Variants in ZBBX observed in about 807,000 individuals in gnomAD.
ZBBX encodes the protein zinc finger B-box domain containing, also known as zinc finger B-box domain-containing protein 1.
Under a neutral mutation model 108.5 loss-of-function variants are expected in ZBBX, and 101 were observed. The ratio of observed to expected loss-of-function variants is 0.93; its 90% CI spans 0.79 to 1.10. The LOEUF (loss-of-function observed/expected upper bound fraction) is 1.10, where lower values mean the gene tolerates loss of function less well. Ranked by LOEUF, ZBBX falls within the 50% of genes least tolerant of loss-of-function variation. The pLI, the probability that ZBBX is intolerant of heterozygous loss-of-function variation, is 0.00. For synonymous variants in ZBBX, 356 were observed against 323.4 expected, an observed-to-expected ratio of 1.10 and a Z score of -1.08; for missense variants, 1,009 against 941.4, an observed-to-expected ratio of 1.07 and a Z score of -0.94.
chr3:167,292,887 A>G (rs1248097489), intron 18 of ZBBX, among the ~76,000 whole-genome samples: 1 of 152,212 alleles, frequency 6.6e-6, no homozygotes, highest in Admixed American at 6.5e-5. Flanking sequence ...GATCCCACAG[A>G]CATACAAACT....
intron 20 of ZBBX, among the ~76,000 whole-genome samples, chr3:167,270,366 A>G (rs1053739274): frequency 2.6e-5 from 4 of 152,202 alleles, no homozygotes; most frequent in African/African-American, 9.6e-5. Flanking sequence ...CTTACACAGT[A>G]AGCTGCTATA....
At chr3:167,288,339 T>C (rs571001344) in intron 19 of ZBBX, among the ~76,000 whole-genome samples, 1 of 152,276 alleles carries the variant, frequency 6.6e-6, no homozygotes, top group Admixed American at 6.5e-5. Context: ...ATCTTATAAT[T>C]ACTTTGTTTA....
chr3:167,359,879 A>G lies in ZBBX; in HGVS notation c.423T>C (p.Ala141=). ...TATATAACGTACATACCAGTAGAGC[A>G]GCTTTGTTCTCACACTGTCCACATA... ...GKVCGQCENK[A]ALLVCLECGE... Residue 141 remains alanine (A), a synonymous_variant, in exon 8 of 22, where the codon GCT becomes GCC. Coordinates refer to ENST00000675490, the MANE Select transcript of ZBBX (RefSeq NM_001199201.2). The G allele has an allele frequency of 6.6e-7, 1 of 1,506,290 alleles. No homozygotes were observed. The highest frequency in any genetic ancestry group is 9.0e-7 in the Non-Finnish European group (1 of 1,105,070). 93.3% of individuals were successfully genotyped at this position (1,506,290 alleles called of 1,614,324 possible).
chr3:167,377,514 C>T (rs1159266730), intron 2 of ZBBX, among the ~76,000 whole-genome samples: 1 of 152,106 alleles, frequency 6.6e-6, no homozygotes, highest in Admixed American at 6.5e-5. Context: ...TAGCAAACAA[C>T]TTTGGGTGAA....
At chr3:167,299,325 A>C (rs1576929860) in intron 17 of ZBBX, among the ~76,000 whole-genome samples, 1 of 152,210 alleles carries the variant, frequency 6.6e-6, no homozygotes, top group African/African-American at 2.4e-5. Flanking sequence ...ATCATATTAA[A>C]GAACAAAGCT....
chr3:167,232,997 C>T, the ZBBX span, among the ~76,000 whole-genome samples: 19 of 151,770 alleles, frequency 1.3e-4, 1 homozygote, highest in East Asian at 3.5e-3. Context: ...AATCTTTTTC[C>T]TTAATGTCCC....
chr3:167,282,401 T>C lies in ZBBX; in HGVS notation c.2091A>G (p.Ser697=). ...ATGATGATTGAGCAGCTGCACTTCT[T>C]GATCGAGGATGAGAGGATGAAAGGC... ...SSCLSSSHPR[S]RSAAAQSSSR... is the part of the protein sequence containing the mutation. The change falls in exon 20 of 22, where the codon TCA becomes TCG. Residue 697 remains serine, a synonymous_variant. Transcript: ENST00000675490. 1 of 1,614,166 alleles carries C rather than the reference T, an allele frequency of 6.2e-7. No individual in the cohort carries two copies. The highest frequency in any genetic ancestry group is 2.2e-5 in the East Asian group (1 of 44,878).
At chr3:167,188,468 A>G in the ZBBX span, among the ~76,000 whole-genome samples, 5 of 152,150 alleles carry the variant, frequency 3.3e-5, no homozygotes, top group Non-Finnish European at 7.4e-5. Context: ...CTGATAGGCT[A>G]TGATGTCTAA....
At chr3:167,314,449 C>T (rs367564098) in intron 15 of ZBBX, among the ~76,000 whole-genome samples, 2 of 152,158 alleles carry the variant, frequency 1.3e-5, no homozygotes, top group East Asian at 3.9e-4. Flanking sequence ...TCATTAAAAT[C>T]TGATGAAATC....
intron 5 of ZBBX, chr3:167,366,934 A>C (rs1391952685): frequency 2.2e-6 from 1 of 456,030 alleles, no homozygotes; most frequent in Non-Finnish European, 4.4e-6. Flanking sequence ...CCTGGATGAC[A>C]TACAACATGA....
chr3:167,405,992 G>A (rs1308169364), intron 1 of ZBBX, among the ~76,000 whole-genome samples: 1 of 142,466 alleles, frequency 7.0e-6, no homozygotes, highest in Non-Finnish European at 1.5e-5. Flanking sequence ...CTTGAACCCG[G>A]GGGGCAGAGG....
At chr3:167,251,925 A>AACACACACAC (rs3221849) in intron 20 of ZBBX, among the ~76,000 whole-genome samples, 11,690 of 143,690 alleles carry the variant, frequency 0.081, 585 homozygotes, top group African/African-American at 0.15. Flanking sequence ...TTGTGCCTGC[A>AACACACACAC]ACACACACAC....
At chr3:167,179,428 C>G in the ZBBX span, among the ~76,000 whole-genome samples, 109 of 152,354 alleles carry the variant, frequency 7.2e-4, no homozygotes, top group African/African-American at 2.6e-3. Flanking sequence ...GGCCATCAGC[C>G]ATTTGATTCC....
intron 20 of ZBBX, among the ~76,000 whole-genome samples, chr3:167,249,803 A>G (rs1030931325): frequency 2.6e-5 from 4 of 152,192 alleles, no homozygotes; most frequent in Non-Finnish European, 5.9e-5. Flanking sequence ...TTTCTTTCAT[A>G]TATAGCGTCA....
rs764843838 is a variant in ZBBX, at chr3:167,365,883, T to C, written c.273+3A>G. On this transcript the variant is annotated splice_donor_region_variant and intron_variant, in intron 6 of 21. Coordinates refer to ENST00000675490, the MANE Select transcript of ZBBX (RefSeq NM_001199201.2). Reference sequence around the variant, plus strand: ...GCATAAGAATCAAATAGTATCTTCTTACCTTAACAACATTTCCTTTATTTT... The same window carrying C: ...GCATAAGAATCAAATAGTATCTTCTCACCTTAACAACATTTCCTTTATTTT... 29 of 1,600,196 alleles carry C rather than the reference T, an allele frequency of 1.8e-5. No individual in the cohort carries two copies. The highest frequency in any genetic ancestry group is 1.3e-5 in the Non-Finnish European group (15 of 1,170,464).
At chr3:167,298,196 A>T in intron 18 of ZBBX, 109 bp downstream of exon 18, 2 of 839,206 alleles carry the variant, frequency 2.4e-6, no homozygotes, top group Non-Finnish European at 3.4e-6. Flanking sequence ...ATACAAGGTT[A>T]ATAATTTTAG....
the ZBBX span, among the ~76,000 whole-genome samples, chr3:167,215,899 T>C: frequency 7.2e-5 from 11 of 152,286 alleles, no homozygotes; most frequent in East Asian, 1.9e-3. Context: ...TATCAGTACA[T>C]GCAGAAAAGG....
the ZBBX span, among the ~76,000 whole-genome samples, chr3:167,188,384 G>A: frequency 6.6e-6 from 1 of 152,122 alleles, no homozygotes; most frequent in African/African-American, 2.4e-5. Context: ...TGTGTAAAAC[G>A]ATGTGAAAAT....
chr3:167,284,507 G>T (rs1345442626), intron 19 of ZBBX, among the ~76,000 whole-genome samples: 1 of 151,886 alleles, frequency 6.6e-6, no homozygotes, highest in Non-Finnish European at 1.5e-5. Flanking sequence ...CAAACCAAAC[G>T]AAAATACTAT....
Sources: allele counts gnomAD v4.1 joint callset (sites outside exome capture counted in the v4.1 genomes callset), GRCh38; gene constraint gnomAD v4.1.1; transcripts MANE v1.5; gene names NCBI Gene and HGNC (gene_info 2026-07-23, HGNC 2026-07-21).